Variants in ANKS1B observed in about 807,000 individuals in gnomAD.
The protein encoded by ANKS1B is ankyrin repeat and sterile alpha motif domain containing 1B.
Under a neutral mutation model 148.3 loss-of-function variants are expected in ANKS1B, and 36 were observed. The observed-to-expected ratio is 0.24, with a 90% CI of 0.19 to 0.32. The LOEUF is 0.32. ANKS1B is among the 10% of genes least tolerant of loss of function. The pLI is 1.00. For synonymous variants in ANKS1B, 542 were observed against 560.8 expected, an observed-to-expected ratio of 0.97 and a Z score of 0.47; for missense variants, 1,157 against 1,542.6, an observed-to-expected ratio of 0.75 and a Z score of 4.19.
At chr12:99,696,370 T>C (rs1366618185) in intron 8 of ANKS1B, among the ~76,000 whole-genome samples, 1 of 152,158 alleles carries the variant, frequency 6.6e-6, no homozygotes, top group Non-Finnish European at 1.5e-5. Context: ...GACAGTGTGG[T>C]ATTGGTGAAA....
At chr12:99,000,757 C>T (rs2099932530) in intron 17 of ANKS1B, among the ~76,000 whole-genome samples, 1 of 152,160 alleles carries the variant, frequency 6.6e-6, no homozygotes, top group Non-Finnish European at 1.5e-5. Flanking sequence ...ATTTCCCATC[C>T]TTGCACCCCA....
chr12:99,317,168 T>A (rs914245609), intron 12 of ANKS1B, among the ~76,000 whole-genome samples: 10 of 152,214 alleles, frequency 6.6e-5, no homozygotes, highest in African/African-American at 2.4e-4. Context: ...TTTGGTTCCA[T>A]ATGAACTTTA....
At chr12:99,374,818 G>C (rs927921438) in intron 12 of ANKS1B, among the ~76,000 whole-genome samples, 3 of 152,186 alleles carry the variant, frequency 2.0e-5, no homozygotes, top group African/African-American at 7.2e-5. Flanking sequence ...GTTTCAATGT[G>C]AATTTGTTTA....
chr12:99,883,621 G>GC (rs1565922683), intron 1 of ANKS1B, among the ~76,000 whole-genome samples: 2 of 150,304 alleles, frequency 1.3e-5, no homozygotes, highest in African/African-American at 4.9e-5. Flanking sequence ...TGGGGCAGGG[G>GC]GGAATCTGCA....
chr12:99,090,722 T>C (rs79639359), intron 15 of ANKS1B, among the ~76,000 whole-genome samples: 2,687 of 152,260 alleles, frequency 0.018, 75 homozygotes, highest in African/African-American at 0.056. Context: ...ATAAAAGCTT[T>C]GAGTCAATTT....
chr12:98,871,135 T>G (rs1373529693), intron 17 of ANKS1B, among the ~76,000 whole-genome samples: 1 of 152,228 alleles, frequency 6.6e-6, no homozygotes, highest in African/African-American at 2.4e-5. Flanking sequence ...CTCTTCCTCA[T>G]GTAATGTAAG....
chr12:99,850,974 T>C (rs1005685929), intron 1 of ANKS1B, among the ~76,000 whole-genome samples: 1 of 152,112 alleles, frequency 6.6e-6, no homozygotes. Flanking sequence ...TGACTTACCA[T>C]AAAAATCTGC....
chr12:99,427,237 G>A (rs2095273212), intron 11 of ANKS1B, among the ~76,000 whole-genome samples: 1 of 151,908 alleles, frequency 6.6e-6, no homozygotes, highest in Non-Finnish European at 1.5e-5. Flanking sequence ...GCTTCTAATT[G>A]CACTTGGAGT....
chr12:99,441,528 T>C (rs1398708450), intron 11 of ANKS1B, among the ~76,000 whole-genome samples: 3 of 151,856 alleles, frequency 2.0e-5, no homozygotes, highest in African/African-American at 7.3e-5. Context: ...GAAGAAAGAG[T>C]AGCCTAATTG....
chr12:99,094,855 T>G (rs1028894846), intron 15 of ANKS1B, among the ~76,000 whole-genome samples: 4 of 152,148 alleles, frequency 2.6e-5, no homozygotes, highest in African/African-American at 9.7e-5. Flanking sequence ...ATATACTAAT[T>G]TGCATCTTCA....
intron 17 of ANKS1B, among the ~76,000 whole-genome samples, chr12:98,877,021 A>C (rs2099692828): frequency 6.6e-6 from 1 of 152,226 alleles, no homozygotes; most frequent in Non-Finnish European, 1.5e-5. Flanking sequence ...TATATAGCTA[A>C]ATTATGCAAT....
At chr12:99,167,015 G>A (rs888503507) in intron 14 of ANKS1B, among the ~76,000 whole-genome samples, 2 of 151,990 alleles carry the variant, frequency 1.3e-5, no homozygotes, top group African/African-American at 4.8e-5. Flanking sequence ...TGTAAAGAAA[G>A]GAGAGACTTT....
At chr12:99,117,017 A>G (rs1483836478) in intron 15 of ANKS1B, among the ~76,000 whole-genome samples, 2 of 152,198 alleles carry the variant, frequency 1.3e-5, no homozygotes, top group Admixed American at 6.5e-5. Context: ...TTATTGGTGT[A>G]TAGGAATGCT....
intron 9 of ANKS1B, among the ~76,000 whole-genome samples, chr12:99,616,323 G>A (rs1241947342): frequency 6.6e-6 from 1 of 152,118 alleles, no homozygotes; most frequent in Non-Finnish European, 1.5e-5. Flanking sequence ...AAAAGAGCCT[G>A]CGTAGCCAGG....
At chr12:98,800,751 T>C (rs190137794) in intron 21 of ANKS1B, among the ~76,000 whole-genome samples, 1 of 150,678 alleles carries the variant, frequency 6.6e-6, no homozygotes, top group East Asian at 1.9e-4. Flanking sequence ...TTTAAAAATA[T>C]ACAACTATAT....
intron 1 of ANKS1B, among the ~76,000 whole-genome samples, chr12:99,974,202 G>A (rs1018692753): frequency 5.3e-5 from 8 of 152,200 alleles, no homozygotes; most frequent in Non-Finnish European, 5.9e-5. Context: ...ATGATCATTA[G>A]CATTTTTAGC....
chr12:99,649,533 G>T, intron 9 of ANKS1B: 1 of 663,406 alleles, frequency 1.5e-6, no homozygotes, highest in Admixed American at 2.7e-5. Context: ...CAGGTACCAT[G>T]GATGTGGCTG....
intron 12 of ANKS1B, among the ~76,000 whole-genome samples, chr12:99,330,925 T>C (rs2087406435): frequency 6.6e-6 from 1 of 152,018 alleles, no homozygotes; most frequent in Non-Finnish European, 1.5e-5. Context: ...CTAGGTTATG[T>C]GCATAGTTTT....
chr12:99,508,443 T>C (rs1004830861), intron 9 of ANKS1B, among the ~76,000 whole-genome samples: 1 of 151,646 alleles, frequency 6.6e-6, no homozygotes, highest in Non-Finnish European at 1.5e-5. Context: ...AGGATAGCAT[T>C]TGCAGTTTTC....
Sources: gnomAD v4.1 joint callset for allele counts (sites outside exome capture counted in the v4.1 genomes callset) on GRCh38, gnomAD v4.1.1 for gene constraint, MANE v1.5 for transcripts, NCBI Gene and HGNC (gene_info 2026-07-23, HGNC 2026-07-21) for gene names.